The following EXT1 variants were observed in gnomAD, a reference collection of about 807,000 sequenced individuals.
EXT1 encodes the protein exostosin-1.
A neutral mutation model predicts 82.5 loss-of-function variants in EXT1; 20 were observed. The observed-to-expected ratio is 0.24, with a 90% confidence interval of 0.17 to 0.35. The LOEUF is 0.35. Among genes scored for constraint, EXT1 ranks in the 10% least tolerant of loss-of-function variants. The pLI is 1.00. For synonymous variants in EXT1, 348 were observed against 350.8 expected, an observed-to-expected ratio of 0.99 and a Z score of 0.09; for missense variants, 757 against 936.5, an observed-to-expected ratio of 0.81 and a Z score of 2.50.
At chr8:118,012,188 A>G (rs11562768) in intron 1 of EXT1, among the ~76,000 whole-genome samples, 81 of 152,358 alleles carry the variant, frequency 5.3e-4, no homozygotes, top group African/African-American at 1.7e-3. Flanking sequence ...GGAACCCTCA[A>G]TGAAGCGCAG....
chr8:117,932,473 T>A (rs1045152304), intron 1 of EXT1, among the ~76,000 whole-genome samples: 1 of 152,148 alleles, frequency 6.6e-6, no homozygotes, highest in Non-Finnish European at 1.5e-5. Context: ...ATACAACTGC[T>A]AAGACTACTT....
intron 1 of EXT1, among the ~76,000 whole-genome samples, chr8:117,850,988 T>A (rs1490528140): frequency 6.6e-6 from 1 of 152,152 alleles, no homozygotes; most frequent in Non-Finnish European, 1.5e-5. Context: ...CACAAAAAAC[T>A]GCCTGGAAAC....
intron 1 of EXT1, among the ~76,000 whole-genome samples, chr8:118,057,587 G>C (rs1021060396): frequency 6.6e-6 from 1 of 151,928 alleles, no homozygotes; most frequent in African/African-American, 2.4e-5. Context: ...AGAAAAGGCA[G>C]TCTTCCCACT....
At chr8:118,031,300 C>T (rs1217100936) in intron 1 of EXT1, among the ~76,000 whole-genome samples, 1 of 152,084 alleles carries the variant, frequency 6.6e-6, no homozygotes, top group South Asian at 2.1e-4. Context: ...GTGGGCGGAT[C>T]ACCAGAGGTC....
chr8:118,091,136 C>T (rs1432101568), intron 1 of EXT1, among the ~76,000 whole-genome samples: 1 of 152,182 alleles, frequency 6.6e-6, no homozygotes, highest in Non-Finnish European at 1.5e-5. Flanking sequence ...CAAAAGGAGA[C>T]AGTTTCAAAG....
intron 3 of EXT1, 71 bp downstream of exon 3, chr8:117,835,373 T>A: frequency 8.6e-7 from 1 of 1,158,370 alleles, no homozygotes; most frequent in Non-Finnish European, 1.3e-6. Context: ...TTTGGATTCA[T>A]CTTCTTTGAA....
In EXT1 at chr8:117,804,732, A is replaced by G. The variant is rs1278931362; in HGVS notation, c.2045T>C (p.Met682Thr). 1 of 1,614,016 alleles carries G rather than the reference A, an allele frequency of 6.2e-7. No individual in the cohort carries two copies. Residue 682 changes from methionine to threonine, a missense_variant, in exon 10 of 11, where the codon ATG (methionine) becomes ACG (threonine). By Grantham distance (81) the Met-to-Thr change is moderately conservative. Around this residue, in one of 4 missense-constraint regions of EXT1, gnomAD observed 128 missense variants for 223.2 expected, o/e 0.57. Transcript: ENST00000378204. The stretch of plus-strand genomic sequence containing the variant: ...CTCTTCTATACTTACCTGTCCCATC[A>G]TTGTCTCCTTATACTGCTTCTTCTG... ...VTQKKQYKET[M>T]MGQTSRASRW...
rs759290391 is a variant in EXT1 at position 117,799,911 on chromosome 8, G to A, written c.2056-14C>T. The A allele has an allele frequency of 1.2e-6, 2 of 1,613,304 alleles. No homozygotes were observed. The highest frequency in any genetic ancestry group is 1.7e-6 in the Non-Finnish European group (2 of 1,179,824). On this transcript the variant is annotated splice_polypyrimidine_tract_variant and intron_variant, in intron 10 of 10. Coordinates refer to ENST00000378204, the MANE Select transcript of EXT1 (RefSeq NM_000127.3). ...AGCCCGAGAAGTCTAGGGAGAAGGA[G>A]AGAAACAAGGATAATGATGAGAGAA...
intron 1 of EXT1, among the ~76,000 whole-genome samples, chr8:117,895,511 A>T (rs1384766331): frequency 6.6e-6 from 1 of 152,172 alleles, no homozygotes; most frequent in Non-Finnish European, 1.5e-5. Flanking sequence ...TCAAAAATCA[A>T]ACAGAAAACA....
intron 1 of EXT1, among the ~76,000 whole-genome samples, chr8:118,029,966 G>T (rs990868371): frequency 6.6e-6 from 1 of 152,132 alleles, no homozygotes; most frequent in Non-Finnish European, 1.5e-5. Context: ...ACAGTTTTAT[G>T]CCCCATACAA....
chr8:117,968,575 T>A (rs1586315498), intron 1 of EXT1, among the ~76,000 whole-genome samples: 1 of 13,492 alleles, frequency 7.4e-5, no homozygotes, highest in East Asian at 1.4e-3. Context: ...TTTTTTTTTT[T>A]TTTTTTTTTT....
chr8:118,096,672 AAGGGAGGG>A (rs796920684), intron 1 of EXT1, among the ~76,000 whole-genome samples: 2,260 of 90,230 alleles, frequency 0.025, 180 homozygotes, highest in African/African-American at 0.045. Context: ...GGAAGGAAGG[AAGGGAGGG>A]AGGGAGGGAG....
At chr8:117,817,579 C>A (rs554819496) in intron 7 of EXT1, among the ~76,000 whole-genome samples, 1 of 152,116 alleles carries the variant, frequency 6.6e-6, no homozygotes, top group South Asian at 2.1e-4. Flanking sequence ...GAGGAGGTAG[C>A]ATGCAAACGG....
At chr8:117,813,689 A>G (rs1329472486) in intron 7 of EXT1, among the ~76,000 whole-genome samples, 1 of 152,218 alleles carries the variant, frequency 6.6e-6, no homozygotes, top group African/African-American at 2.4e-5. Context: ...AACTTCATTA[A>G]AATGAGAAGT....
rs1442168961 is a variant in EXT1 at position 117,796,271 on chromosome 8, A to C, written c.*3441T>G. 6.6e-6 allele frequency: 1 copy of C among 152,072 alleles called. No individual in the cohort carries two copies. 9.4% of individuals were successfully genotyped at this position (152,072 alleles called of 1,614,324 possible). On this transcript the variant is annotated 3_prime_UTR_variant, in exon 11 of 11. Coordinates refer to ENST00000378204, the MANE Select transcript of EXT1 (RefSeq NM_000127.3). Reference sequence around the variant, plus strand: ...CATCCATAATTCAGCCTTGTCCAGCAAGAATCTCATTCAGATTCCAACCTA... The same window carrying C: ...CATCCATAATTCAGCCTTGTCCAGCCAGAATCTCATTCAGATTCCAACCTA...
At chr8:118,075,501 G>A (rs550652243) in intron 1 of EXT1, among the ~76,000 whole-genome samples, 7 of 152,222 alleles carry the variant, frequency 4.6e-5, no homozygotes, top group Non-Finnish European at 8.8e-5. Flanking sequence ...AACAATGAAA[G>A]AAGTTCCTTT....
intron 1 of EXT1, among the ~76,000 whole-genome samples, chr8:118,068,566 G>A (rs539989344): frequency 7.9e-4 from 121 of 152,206 alleles, no homozygotes; most frequent in Middle Eastern, 6.8e-3. Context: ...CCACTTGTAA[G>A]TGAGAACATG....
chr8:118,019,792 G>A lies in EXT1; in HGVS notation c.962+90293C>T, dbSNP rs142212930. Among the ~76,000 whole-genome samples the A allele has an allele frequency of 6.6e-3, 1,010 of 152,314 alleles. 8 individuals carry two copies. Among genetic ancestry groups the A allele is most frequent in the African/African-American group, 0.022 (910 of 41,580 alleles). The stretch of plus-strand genomic sequence containing the variant: ...CAAAACTTAAATAACTCTGACCAAA[G>A]TTACCCACTTGGTAAGTGGTGGTGG... On this transcript the variant is annotated intron_variant, in intron 1 of 10. Coordinates refer to ENST00000378204, the MANE Select transcript of EXT1 (RefSeq NM_000127.3).
intron 1 of EXT1, among the ~76,000 whole-genome samples, chr8:117,851,542 G>A (rs1812453797): frequency 6.6e-6 from 1 of 150,640 alleles, no homozygotes; most frequent in Admixed American, 6.6e-5. Flanking sequence ...CTATTCAGAA[G>A]CTGCTGAAAT....
Sources: allele counts gnomAD v4.1 joint callset (sites outside exome capture counted in the v4.1 genomes callset), GRCh38; gene constraint gnomAD v4.1.1; regional missense constraint gnomAD v4.1.1; transcripts MANE v1.5; gene names NCBI Gene and HGNC (gene_info 2026-07-23, HGNC 2026-07-21).